Variants in PGBD5 observed in about 807,000 individuals in gnomAD.
PGBD5 encodes the protein piggyBac transposable element-derived protein 5.
A neutral mutation model predicts 47.9 loss-of-function variants in PGBD5; 14 were observed. The observed-to-expected ratio is 0.29, with a 90% CI of 0.19 to 0.46. PGBD5 has a LOEUF of 0.46. Among genes scored for constraint, PGBD5 ranks in the 20% least tolerant of loss-of-function variants. The pLI is 1.00. For missense variants in PGBD5, 635 were observed against 716.0 expected (o/e 0.89, Z 1.29); for synonymous variants, 316 against 306.3 (o/e 1.03, Z -0.33).
intron 1 of PGBD5, among the ~76,000 whole-genome samples, chr1:230,366,063 T>A (rs1667828417): frequency 6.6e-6 from 1 of 152,218 alleles, no homozygotes; most frequent in Non-Finnish European, 1.5e-5. Context: ...AGCCCCATTG[T>A]GATTTGATTC....
At position 230,357,340 on chromosome 1, in the gene PGBD5, T is replaced by G; in HGVS notation, c.332-19A>C. ...GTGGGACCTGAAACCCAAAGACAGGTGGAGTGTTCCTTAGGACGGCCGCCA... is the reference window on the plus strand; with the variant it reads ...GTGGGACCTGAAACCCAAAGACAGGGGGAGTGTTCCTTAGGACGGCCGCCA... On this transcript the variant is annotated intron_variant, in intron 1 of 6. Transcript: ENST00000391860. This position sits in a 1 kb window ranked among gnomAD's most constrained non-coding sequence, Gnocchi z 5.7. 6 of 1,608,082 alleles carry G rather than the reference T, an allele frequency of 3.7e-6. No individual in the cohort carries two copies. Among genetic ancestry groups the G allele is most frequent in the Non-Finnish European group, 5.1e-6 (6 of 1,176,330 alleles).
At chr1:230,362,213 C>G (rs1667756043) in intron 1 of PGBD5, 2 of 1,333,050 alleles carry the variant, frequency 1.5e-6, no homozygotes, top group Admixed American at 4.1e-5. Flanking sequence ...GATCTGATGG[C>G]TGTTCCCCAA....
chr1:230,420,617 G>A (rs889006164), intron 1 of PGBD5, among the ~76,000 whole-genome samples: 1 of 152,050 alleles, frequency 6.6e-6, no homozygotes, highest in Non-Finnish European at 1.5e-5. Flanking sequence ...TCCCCTGCTG[G>A]CAAATTCTCT....
chr1:230,389,132 C>T (rs1459501272), intron 1 of PGBD5, among the ~76,000 whole-genome samples: 1 of 152,050 alleles, frequency 6.6e-6, no homozygotes, highest in Non-Finnish European at 1.5e-5. Flanking sequence ...TGCTATGATG[C>T]AAAACCCTTG....
intron 1 of PGBD5, among the ~76,000 whole-genome samples, chr1:230,406,741 T>C (rs1044771084): frequency 6.6e-6 from 1 of 152,210 alleles, no homozygotes; most frequent in African/African-American, 2.4e-5. Flanking sequence ...ACATTCCTAT[T>C]TGCAAATTCT....
At chr1:230,343,943 C>T (rs1394841285) in intron 3 of PGBD5, among the ~76,000 whole-genome samples, 3 of 152,160 alleles carry the variant, frequency 2.0e-5, no homozygotes, top group African/African-American at 7.2e-5. Context: ...TTGTCTAAAT[C>T]GGGAAAAGTT....
intron 4 of PGBD5, among the ~76,000 whole-genome samples, chr1:230,335,600 T>C (rs199658583): frequency 3.8e-4 from 3 of 7,848 alleles, no homozygotes; most frequent in African/African-American, 4.7e-4. Context: ...CAGATACACA[T>C]ACAGACACAG....
chr1:230,419,420 G>A (rs1038615763), intron 1 of PGBD5, among the ~76,000 whole-genome samples: 1 of 138,272 alleles, frequency 7.2e-6, no homozygotes, highest in Non-Finnish European at 1.5e-5. Flanking sequence ...GAGGGAGGGA[G>A]GGGAGCAAGG....
At chr1:230,388,766 T>C (rs1274810752) in intron 1 of PGBD5, among the ~76,000 whole-genome samples, 1 of 152,194 alleles carries the variant, frequency 6.6e-6, no homozygotes, top group Non-Finnish European at 1.5e-5. Context: ...AGGGTGAGGC[T>C]GGGAGCCTGC....
chr1:230,349,142 G>A (rs887714913), intron 3 of PGBD5, among the ~76,000 whole-genome samples: 1 of 152,240 alleles, frequency 6.6e-6, no homozygotes, highest in Non-Finnish European at 1.5e-5. Context: ...GCCTTGCCTG[G>A]TGACAGATGT....
chr1:230,335,092 C>A (rs996067882), intron 4 of PGBD5, among the ~76,000 whole-genome samples: 1 of 140,956 alleles, frequency 7.1e-6, no homozygotes, highest in African/African-American at 2.5e-5. Flanking sequence ...CACACAGGTA[C>A]ACACACAGAC....
At chr1:230,396,489 GTCC>G (rs1361074422) in intron 1 of PGBD5, among the ~76,000 whole-genome samples, 2 of 128,026 alleles carry the variant, frequency 1.6e-5, no homozygotes, top group South Asian at 5.5e-4. Context: ...CGCAGCCAGG[GTCC>G]TCCTCCACTC....
chr1:230,416,693 T>C (rs529301113), intron 1 of PGBD5, among the ~76,000 whole-genome samples: 1 of 152,310 alleles, frequency 6.6e-6, no homozygotes, highest in South Asian at 2.1e-4. Flanking sequence ...GGACGCGTGC[T>C]ACAAGGTGAC....
In PGBD5 at chr1:230,316,364, T is replaced by A. The variant is rs1223661031; in HGVS notation, c.*7061A>T. The stretch of plus-strand genomic sequence containing the variant: ...AAGCAACTAAAAATTGCCTCAACAA[T>A]CCTGCAACTCCAGATCTTCAATTTA... On this transcript the variant is annotated 3_prime_UTR_variant, in exon 7 of 7. Transcript: ENST00000391860. 1.3e-5 allele frequency: 2 copies of A among 152,182 alleles called. No individual in the cohort carries two copies. The highest frequency in any genetic ancestry group is 2.9e-5 in the Non-Finnish European group (2 of 68,022). 9.4% of individuals were successfully genotyped at this position (152,182 alleles called of 1,614,324 possible). A position where few individuals can be genotyped will look rare whatever the true frequency, so the allele number is the denominator to read the frequency against.
intron 1 of PGBD5, chr1:230,377,615 C>T (rs139899912): frequency 6.5e-7 from 1 of 1,541,506 alleles, no homozygotes; most frequent in Non-Finnish European, 8.8e-7. Flanking sequence ...GTTCTGTAGT[C>T]AGGCATATCT....
At chr1:230,362,215 G>T in intron 1 of PGBD5, 1 of 1,334,844 alleles carries the variant, frequency 7.5e-7, no homozygotes, top group African/African-American at 1.5e-5. Context: ...TCTGATGGCT[G>T]TTCCCCAAAT....
intron 1 of PGBD5, among the ~76,000 whole-genome samples, chr1:230,401,836 A>G (rs1657146113): frequency 1.3e-5 from 2 of 152,094 alleles, no homozygotes. Context: ...ACCTCCCCAT[A>G]CGACACACCT....
chr1:230,318,938 A>G lies in PGBD5; in HGVS notation c.*4487T>C, dbSNP rs1336510204. ...CATCTCCATCTAGGACAAGAAAAGG[A>G]CCCAGGGGGAGGGTGATGTCCCGGA... On this transcript the variant is annotated 3_prime_UTR_variant, in exon 7 of 7. Transcript: ENST00000391860. The G allele has an allele frequency of 6.6e-6, 1 of 152,178 alleles. No individual in the cohort carries two copies. Among genetic ancestry groups the G allele is most frequent in the Non-Finnish European group, 1.5e-5 (1 of 68,044 alleles). 9.4% of individuals were successfully genotyped at this position (152,178 alleles called of 1,614,324 possible).
chr1:230,367,935 T>C (rs764806699), intron 1 of PGBD5: 1 of 1,361,690 alleles, frequency 7.3e-7, no homozygotes, highest in East Asian at 4.6e-5. Flanking sequence ...TTGCTCAAGG[T>C]CACGCAAGCT....
Sources: allele counts gnomAD v4.1 joint callset (sites outside exome capture counted in the v4.1 genomes callset), GRCh38; gene constraint gnomAD v4.1.1; non-coding constraint Gnocchi (gnomAD v3.1); transcripts MANE v1.5; gene names NCBI Gene and HGNC (gene_info 2026-07-23, HGNC 2026-07-21).